Variants in ANK2 observed in about 807,000 individuals in gnomAD.
ANK2 encodes ankyrin-2.
In ANK2, 83 loss-of-function variants were observed where a neutral mutation model predicts 360.5. The observed-to-expected ratio is 0.23, with a 90% CI of 0.19 to 0.28. The LOEUF (loss-of-function observed/expected upper bound fraction) is 0.28. Among genes scored for constraint, ANK2 ranks in the 10% least tolerant of loss-of-function variants. The pLI is 1.00. For synonymous variants in ANK2, 1,740 were observed against 1,759.5 expected (o/e 0.99, Z 0.28); for missense variants, 4,201 against 4,795.7 (o/e 0.88, Z 3.66).
In ANK2 at chr4:113,353,037, C is replaced by A; in HGVS notation, c.4427-8C>A. 6.2e-7 allele frequency: 1 copy of A among 1,612,576 alleles called. No homozygotes were observed. Among genetic ancestry groups the A allele is most frequent in the Non-Finnish European group, 8.5e-7 (1 of 1,179,144 alleles). The stretch of plus-strand genomic sequence containing the variant: ...TTTTACTTTCAATGTTTTTCATTCA[C>A]ATCAAAGATGATGAGACAGAATCTA... On this transcript the variant is annotated splice_region_variant and splice_polypyrimidine_tract_variant and intron_variant, in intron 37 of 45. Transcript: ENST00000357077.
rs753937708 is a variant in ANK2 at position 113,287,641 on chromosome 4, G to A, written c.2116G>A (p.Asp706Asn). 1.2e-6 allele frequency: 2 copies of A among 1,613,618 alleles called. No individual in the cohort carries two copies. The highest frequency in any genetic ancestry group is 1.7e-6 in the Non-Finnish European group (2 of 1,179,574). ...LTSLHLAAQE[D>N]KVNVADILTK... ...ATCCTTACACCTTGCAGCCCAGGAAGATAAAGTGAATGTTGCTGATATTCT... is the reference window on the plus strand; with the variant it reads ...ATCCTTACACCTTGCAGCCCAGGAAAATAAAGTGAATGTTGCTGATATTCT... The change falls in exon 19 of 46, where the codon GAT becomes AAT. Residue 706 changes from aspartate (D) to asparagine (N), a missense_variant. Asp to Asn is a conservative substitution (Grantham distance 23, BLOSUM62 1). Transcript: ENST00000357077.
In ANK2 at chr4:113,289,220, T is replaced by C. The variant is rs183065339; in HGVS notation, c.2277+734T>C. ...TATATCAGAAATTTCTTTTTCTTTT[T>C]TTTTTTTTTTTTTAAGACAGGGTCT... On this transcript the variant is annotated intron_variant, in intron 20 of 45. Transcript: ENST00000357077. Among the ~76,000 whole-genome samples the C allele has an allele frequency of 3.5e-3, 533 of 150,484 alleles. 4 individuals are homozygous for C. The highest frequency in any genetic ancestry group is 0.012 in the African/African-American group (501 of 41,168).
At chr4:113,240,394 AC>A in intron 7 of ANK2, 90 bp from the exon 8 acceptor site, 1 of 944,948 alleles carries the variant, frequency 1.1e-6, no homozygotes, top group Non-Finnish European at 1.7e-6. Context: ...TATTAGGTAG[AC>A]TTTTACCATG....
intron 2 of ANK2, among the ~76,000 whole-genome samples, chr4:112,952,761 T>G (rs1426791768): frequency 1.3e-5 from 2 of 152,124 alleles, no homozygotes; most frequent in Non-Finnish European, 2.9e-5. Context: ...TAGAGATACT[T>G]TTATAAAATA....
At chr4:113,286,942 T>A (rs536347721) in intron 18 of ANK2, among the ~76,000 whole-genome samples, 1 of 152,338 alleles carries the variant, frequency 6.6e-6, no homozygotes, top group South Asian at 2.1e-4. Context: ...CTTTTCTCCA[T>A]GCCTTTCTTT....
At chr4:113,032,307 A>G (rs900091556) in intron 2 of ANK2, among the ~76,000 whole-genome samples, 1 of 151,216 alleles carries the variant, frequency 6.6e-6, no homozygotes, top group Non-Finnish European at 1.5e-5. Context: ...CTGTTGTTAG[A>G]TGGCGTTGTC....
At chr4:112,745,867 T>C in the ANK2 span, among the ~76,000 whole-genome samples, 35 of 152,302 alleles carry the variant, frequency 2.3e-4, no homozygotes, top group East Asian at 5.8e-3. Flanking sequence ...TATCTAAATA[T>C]ATGTTTGTAT....
intron 3 of ANK2, 23 bp from the exon 4 acceptor site, chr4:113,198,988 T>C: frequency 6.3e-7 from 1 of 1,585,660 alleles, no homozygotes; most frequent in Non-Finnish European, 8.7e-7. Context: ...TTGAACATTT[T>C]CTATTTTGTT....
At chr4:113,035,752 CAGAT>C (rs75633312) in intron 2 of ANK2, among the ~76,000 whole-genome samples, 27,839 of 151,352 alleles carry the variant, frequency 0.18, 2,752 homozygotes, top group East Asian at 0.36. Flanking sequence ...TAAAATAACT[CAGAT>C]AGGAGAGAAA....
At chr4:112,742,609 A>G in the ANK2 span, among the ~76,000 whole-genome samples, 1 of 152,228 alleles carries the variant, frequency 6.6e-6, no homozygotes, top group African/African-American at 2.4e-5. Flanking sequence ...TTCTTTTTAA[A>G]AGAAAGTAAA....
intron 2 of ANK2, among the ~76,000 whole-genome samples, chr4:112,952,901 A>G (rs574951482): frequency 2.4e-3 from 368 of 152,296 alleles, no homozygotes; most frequent in African/African-American, 8.5e-3. Context: ...AGGTAAAGTG[A>G]CTTGACCAAG....
chr4:113,352,406 T>C (rs2095469673), intron 37 of ANK2, among the ~76,000 whole-genome samples: 1 of 152,228 alleles, frequency 6.6e-6, no homozygotes, highest in African/African-American at 2.4e-5. Context: ...GTTTGTTTCA[T>C]TGTTAGGTGT....
chr4:113,221,689 G>C (rs1313971322), intron 4 of ANK2, among the ~76,000 whole-genome samples: 4 of 151,812 alleles, frequency 2.6e-5, no homozygotes, highest in Admixed American at 2.6e-4. Context: ...CTGATCTCCA[G>C]TCACAGTCAG....
intron 5 of ANK2, 129 bp downstream of exon 5, chr4:113,232,388 G>C (rs886828621): frequency 2.7e-6 from 2 of 733,434 alleles, no homozygotes; most frequent in East Asian, 5.7e-5. Context: ...TATTATAATC[G>C]CAACAGTGGC....
At chr4:112,895,501 T>C (rs927593696) in intron 1 of ANK2, among the ~76,000 whole-genome samples, 1 of 152,198 alleles carries the variant, frequency 6.6e-6, no homozygotes, top group African/African-American at 2.4e-5. Flanking sequence ...CGCCATGGAT[T>C]TCTCCTCAGA....
intron 2 of ANK2, among the ~76,000 whole-genome samples, chr4:112,967,930 C>G (rs2037959830): frequency 6.6e-6 from 1 of 152,156 alleles, no homozygotes; most frequent in Admixed American, 6.5e-5. Flanking sequence ...GAAAAATCTC[C>G]TGATTGACCC....
intron 1 of ANK2, among the ~76,000 whole-genome samples, chr4:113,082,982 T>A (rs2083012984): frequency 6.6e-6 from 1 of 152,176 alleles, no homozygotes; most frequent in Non-Finnish European, 1.5e-5. Flanking sequence ...GGGCAAGCAG[T>A]CTGAGTTACT....
intron 2 of ANK2, among the ~76,000 whole-genome samples, chr4:112,967,696 G>T (rs1399172136): frequency 9.2e-5 from 14 of 152,152 alleles, no homozygotes; most frequent in Admixed American, 9.2e-4. Context: ...GTATATTTTT[G>T]ATGTTATATC....
chr4:112,961,061 T>G (rs1478409253), intron 2 of ANK2, among the ~76,000 whole-genome samples: 5 of 99,616 alleles, frequency 5.0e-5, no homozygotes, highest in Non-Finnish European at 1.2e-4. Flanking sequence ...TAAATAACTG[T>G]TTTTTTTTTT....
Sources: gnomAD v4.1 joint callset for allele counts (sites outside exome capture counted in the v4.1 genomes callset) on GRCh38, gnomAD v4.1.1 for gene constraint, MANE v1.5 for transcripts, NCBI Gene and HGNC (gene_info 2026-07-23, HGNC 2026-07-21) for gene names.